The following ELOF1 variants were observed in gnomAD, a reference collection of about 807,000 sequenced individuals.
ELOF1 encodes the protein elongation factor 1, also known as transcription elongation factor 1 homolog.
Under a neutral mutation model 7.1 loss-of-function variants are expected in ELOF1, and 4 were observed. The observed-to-expected ratio is 0.56, with a 90% CI of 0.28 to 1.29. The LOEUF (loss-of-function observed/expected upper bound fraction) is 1.29, where lower values mean the gene tolerates loss of function less well. Ranked by LOEUF, ELOF1 falls within the 50% of genes most tolerant of loss-of-function variation. The pLI is 0.10. For missense variants in ELOF1, 59 were observed against 86.3 expected, an observed-to-expected ratio of 0.68 and a Z score of 1.25; for synonymous variants, 31 against 31.9, an observed-to-expected ratio of 0.97 and a Z score of 0.09.
Position 11,553,600 on chromosome 19 carries a change from CA to C in ELOF1, c.187+410del, listed in dbSNP as rs1972771372. 4.8e-5 allele frequency: 27 copies of C among 562,348 alleles called. No individual in the cohort carries two copies. In the South Asian group the frequency reaches 5.0e-4, roughly 10 times the overall value. The allele number at this position is 562,348 out of a possible 1,614,324, so 34.8% of individuals were successfully genotyped here. On this transcript the variant is annotated intron_variant, in intron 3 of 3. Transcript: ENST00000586683. ...CACCCACTACACACACACACACACA[CA>C]CACACACACACACACACACACACAC...
chr19:11,553,845 T>G, intron 3 of ELOF1, 35 bp from the exon 4 acceptor site: 1 of 1,613,856 alleles, frequency 6.2e-7, no homozygotes. Flanking sequence ...TCATTGGCAT[T>G]GGAACCCTGC....
At chr19:11,553,519 C>G in intron 3 of ELOF1, 1 of 624,048 alleles carries the variant, frequency 1.6e-6, no homozygotes, top group Non-Finnish European at 2.8e-6. Flanking sequence ...ACGGCCACCC[C>G]AGTGACACGT....
At chr19:11,553,592 CA>C in intron 3 of ELOF1, 1 of 281,250 alleles carries the variant, frequency 3.6e-6, no homozygotes, top group Non-Finnish European at 5.7e-6. Flanking sequence ...TACACACACA[CA>C]CACACACACA....
At chr19:11,553,435 G>A (rs1411552961) in intron 3 of ELOF1, 1 of 516,698 alleles carries the variant, frequency 1.9e-6, no homozygotes, top group Non-Finnish European at 3.5e-6. Flanking sequence ...AAGGCTTTCG[G>A]AGCCAAGTGA....
chr19:11,555,367 T>G (rs1221744390), intron 1 of ELOF1: 1 of 152,352 alleles, frequency 6.6e-6, no homozygotes, highest in Non-Finnish European at 1.5e-5. Flanking sequence ...TGGCCCATCA[T>G]CGCTGGCGCC....
intron 1 of ELOF1, among the ~76,000 whole-genome samples, chr19:11,557,854 C>T (rs1037082423): frequency 1.3e-5 from 2 of 152,144 alleles, no homozygotes; most frequent in African/African-American, 4.8e-5. Context: ...GGCACTCCAG[C>T]CTGGGCAACA....
At chr19:11,553,658 C>T in intron 3 of ELOF1, 1 of 1,491,658 alleles carries the variant, frequency 6.7e-7, no homozygotes, top group East Asian at 2.3e-5. Flanking sequence ...GGACCCACAC[C>T]CTGGACCCCT....
At chr19:11,554,966 GA>G (rs554482956) in intron 1 of ELOF1, 12 of 130,588 alleles carry the variant, frequency 9.2e-5, no homozygotes, top group South Asian at 2.6e-4. Context: ...AAAAAAAAAA[GA>G]AAAAAAAAAG....
intron 1 of ELOF1, among the ~76,000 whole-genome samples, chr19:11,557,016 C>G (rs1363395353): frequency 6.6e-6 from 1 of 152,052 alleles, no homozygotes; most frequent in Non-Finnish European, 1.5e-5. Context: ...GAAAAAAAAA[C>G]TCTTCATCCT....
At chr19:11,553,130 C>T (rs1972751603) in intron 3 of ELOF1, 1 of 401,986 alleles carries the variant, frequency 2.5e-6, no homozygotes. Context: ...AGCAACTGAA[C>T]ATGAAACGGG....
At chr19:11,553,187 GC>G (rs1972753809) in intron 3 of ELOF1, 1 of 400,706 alleles carries the variant, frequency 2.5e-6, no homozygotes, top group Non-Finnish European at 4.4e-6. Flanking sequence ...TCAGGGCCCA[GC>G]CCAGGGACCT....
intron 1 of ELOF1, among the ~76,000 whole-genome samples, chr19:11,557,785 C>T (rs1020578810): frequency 2.7e-5 from 4 of 145,488 alleles, no homozygotes; most frequent in Admixed American, 6.9e-5. Flanking sequence ...CCCAGCTACT[C>T]GGGAGGCTGA....
chr19:11,553,572 G>C (rs928555299), intron 3 of ELOF1: 40 of 708,840 alleles, frequency 5.6e-5, no homozygotes, highest in East Asian at 8.7e-5. Context: ...ACACCCACAC[G>C]CACACCCACT....
chr19:11,559,052 G>A (rs1465487618), intron 1 of ELOF1, 139 bp downstream of exon 1: 3 of 152,088 alleles, frequency 2.0e-5, no homozygotes, highest in Non-Finnish European at 2.9e-5. Flanking sequence ...GTCGGGGGGA[G>A]TCAGTCTCCC....
At chr19:11,558,818 G>C (rs1184439748) in intron 1 of ELOF1, 1 of 152,044 alleles carries the variant, frequency 6.6e-6, no homozygotes, top group East Asian at 1.9e-4. Context: ...CCCATGAATG[G>C]GGTCTGGCTT....
chr19:11,553,950 C>T, intron 3 of ELOF1, 61 bp downstream of exon 3: 1 of 1,612,378 alleles, frequency 6.2e-7, no homozygotes, highest in Non-Finnish European at 8.5e-7. Flanking sequence ...GCCAGATGAG[C>T]AGGGTCCGGA....
At position 11,559,172 on chromosome 19, in the gene ELOF1, G is replaced by T. The variant is rs977955449; in HGVS notation, c.-19+19C>A. 1.3e-5 allele frequency: 2 copies of T among 152,602 alleles called. No homozygotes were observed. The highest frequency in any genetic ancestry group is 2.1e-4 in the South Asian group (1 of 4,838). 9.5% of individuals were successfully genotyped at this position (152,602 alleles called of 1,614,324 possible). On this transcript the variant is annotated intron_variant, in intron 1 of 3. Coordinates refer to ENST00000586683, the Ensembl canonical transcript of ELOF1. ...GCCCACCCCCAACGCCCACTCGCACGAGCCGCACCAGCACTCACCTTCTCC... is the reference window on the plus strand; with the variant it reads ...GCCCACCCCCAACGCCCACTCGCACTAGCCGCACCAGCACTCACCTTCTCC...
In ELOF1 at chr19:11,554,533, T is replaced by A. The variant is rs1972799553; in HGVS notation, c.-18-168A>T. On this transcript the variant is annotated intron_variant, in intron 1 of 3. Transcript: ENST00000586683. ...CCTGATGCAGGAGGACAATTCCCTG[T>A]CCCACTCTGGATGGAAGGGGTGAGA... The A allele has an allele frequency of 3.5e-5, 34 of 968,330 alleles. No individual in the cohort carries two copies. The South Asian group carries it at 5.5e-4, about 16-fold the overall frequency. The allele number at this position is 968,330 out of a possible 1,614,324, so 60.0% of individuals were successfully genotyped here.
intron 3 of ELOF1, chr19:11,553,770 G>A (rs144096099): frequency 1.8e-4 from 292 of 1,613,948 alleles, no homozygotes; most frequent in Non-Finnish European, 2.2e-4. Context: ...CCTCGCAGGC[G>A]TCTATCCAAT....
Sources: gnomAD v4.1 joint callset for allele counts (sites outside exome capture counted in the v4.1 genomes callset) on GRCh38, gnomAD v4.1.1 for gene constraint, MANE v1.5 for transcripts, NCBI Gene and HGNC (gene_info 2026-07-23, HGNC 2026-07-21) for gene names.